The following SAFB variants were observed in gnomAD, a reference collection of about 807,000 sequenced individuals.
The protein encoded by SAFB is scaffold attachment factor B, also known as scaffold attachment factor B1.
In SAFB, 15 loss-of-function variants were observed where a neutral mutation model predicts 101.6. The observed-to-expected ratio is 0.15, with a 90% CI of 0.10 to 0.23. SAFB has a LOEUF of 0.23. SAFB is among the 10% of genes least tolerant of loss of function. SAFB has a pLI of 1.00. For missense variants in SAFB, 930 were observed against 1,104.1 expected (o/e 0.84, Z 2.23); for synonymous variants, 449 against 407.5 (o/e 1.10, Z -1.23).
In SAFB at chr19:5,653,150, T is replaced by A; in HGVS notation, c.1329T>A (p.Ser443Arg). The change falls in exon 10 of 21, where the codon AGT (serine) becomes AGA (arginine). Residue 443 changes from serine to arginine, a missense_variant. Physicochemically the swap from Ser to Arg is moderately radical, Grantham distance 110. Around this residue, in one of 7 missense-constraint regions of SAFB, gnomAD observed 68 missense variants for 122.1 expected, o/e 0.56. Transcript: ENST00000588852. ...CCAAGGTTGTGACAAATGCCCGGAG[T>A]CCTGGAGCTCGCTGTTACGGTTTTG... ...VGAKVVTNARSPGARCYGFVT... is the reference protein window; with the variant it reads ...VGAKVVTNARRPGARCYGFVT... 6.2e-7 allele frequency: 1 copy of A among 1,613,922 alleles called. No individual in the cohort carries two copies. The highest frequency in any genetic ancestry group is 8.5e-7 in the Non-Finnish European group (1 of 1,180,002).
intron 2 of SAFB, among the ~76,000 whole-genome samples, chr19:5,637,176 C>T (rs899764183): frequency 4.0e-5 from 6 of 150,648 alleles, no homozygotes; most frequent in Admixed American, 4.0e-4. Flanking sequence ...AACCCCGTCT[C>T]TACTAAAAAT....
intron 1 of SAFB, 150 bp from the exon 2 acceptor site, chr19:5,626,255 A>C: frequency 3.5e-6 from 2 of 568,420 alleles, no homozygotes; most frequent in South Asian, 4.5e-5. Flanking sequence ...GCGAGATAAC[A>C]GATGAGTGGA....
Position 5,653,212 on chromosome 19 carries a change from T to C in SAFB, c.1391T>C (p.Ile464Thr), listed in dbSNP as rs911519879. ...ACAGCAGAAGAGGCCACAAAATGCA[T>C]TAACCACCTGCACAAGACGGAGCTC... Reference protein sequence around the residue: ...MSTAEEATKCINHLHKTELHG... With the variant: ...MSTAEEATKCTNHLHKTELHG... The change falls in exon 10 of 21, where the codon ATT becomes ACT. Residue 464 changes from isoleucine to threonine, a missense_variant. Ile to Thr is a moderately conservative substitution (Grantham distance 89). Around this residue, in one of 7 missense-constraint regions of SAFB, gnomAD observed 68 missense variants for 122.1 expected, o/e 0.56. Coordinates refer to ENST00000588852, the MANE Select transcript of SAFB (RefSeq NM_001201338.2). 6.2e-7 allele frequency: 1 copy of C among 1,614,038 alleles called. No individual in the cohort carries two copies. Among genetic ancestry groups the C allele is most frequent in the African/African-American group, 1.3e-5 (1 of 74,912 alleles).
intron 2 of SAFB, among the ~76,000 whole-genome samples, chr19:5,640,621 GCT>G (rs745847099): frequency 6.6e-6 from 1 of 151,924 alleles, no homozygotes; most frequent in Non-Finnish European, 1.5e-5. Flanking sequence ...ACAGAGTCTT[GCT>G]CTGTCATCCA....
chr19:5,645,426 T>C (rs2053807421), intron 5 of SAFB, 27 bp downstream of exon 5: 2 of 1,125,038 alleles, frequency 1.8e-6, no homozygotes, highest in Non-Finnish European at 2.7e-6. Context: ...CTCAGTACTT[T>C]TAGAATGAAA....
chr19:5,640,358 C>CTTTTTTTTT (rs34358887), intron 2 of SAFB, among the ~76,000 whole-genome samples: 2 of 91,552 alleles, frequency 2.2e-5, no homozygotes, highest in African/African-American at 4.8e-5. Flanking sequence ...GAAAGATTGG[C>CTTTTTTTTT]TTTTTTTTTT....
intron 1 of SAFB, among the ~76,000 whole-genome samples, chr19:5,624,958 T>TC (rs2053323535): frequency 6.6e-6 from 1 of 152,178 alleles, no homozygotes; most frequent in African/African-American, 2.4e-5. Flanking sequence ...ATCCTTTTTT[T>TC]CTCCCTGGAC....
chr19:5,634,452 A>G (rs1043237919), intron 2 of SAFB, among the ~76,000 whole-genome samples: 1 of 152,074 alleles, frequency 6.6e-6, no homozygotes, highest in Admixed American at 6.6e-5. Context: ...CTTCTTGTGT[A>G]AAATAGAAAT....
At position 5,623,399 on chromosome 19, in the gene SAFB, A is replaced by G; in HGVS notation, c.189+5A>G. On this transcript the variant is annotated splice_donor_5th_base_variant and intron_variant, in intron 1 of 20. Coordinates refer to ENST00000588852, the MANE Select transcript of SAFB (RefSeq NM_001201338.2). ...TTGATGGAGCGGCTGAAGAAGGTGGATTTGGGGCCCCGAGGGCGGGCACAG... is the reference window on the plus strand; with the variant it reads ...TTGATGGAGCGGCTGAAGAAGGTGGGTTTGGGGCCCCGAGGGCGGGCACAG... 6.2e-7 allele frequency: 1 copy of G among 1,610,622 alleles called. No individual in the cohort carries two copies. Among genetic ancestry groups the G allele is most frequent in the Non-Finnish European group, 8.5e-7 (1 of 1,177,488 alleles).
intron 2 of SAFB, 115 bp from the exon 3 acceptor site, chr19:5,641,479 G>A: frequency 1.2e-6 from 1 of 810,558 alleles, no homozygotes; most frequent in Non-Finnish European, 2.1e-6. Flanking sequence ...GTGTTCCTAA[G>A]TAGTGAGGTG....
At chr19:5,644,576 G>A (rs576428807) in intron 4 of SAFB, among the ~76,000 whole-genome samples, 1 of 152,298 alleles carries the variant, frequency 6.6e-6, no homozygotes, top group South Asian at 2.1e-4. Context: ...TACCTTTTGA[G>A]TCTTCTGATC....
rs373307173 is a variant in SAFB, at chr19:5,668,310, C to A, written c.*19C>A. The A allele has an allele frequency of 2.7e-5, 44 of 1,606,036 alleles. No individual in the cohort carries two copies. The Middle Eastern group carries it at 8.0e-4, about 29-fold the overall frequency. ...CTACTGAGTACTTGGAATCCTGTGTCCTGTCTCGTGGCAACAAGGCTATGT... is the reference window on the plus strand; with the variant it reads ...CTACTGAGTACTTGGAATCCTGTGTACTGTCTCGTGGCAACAAGGCTATGT... On this transcript the variant is annotated 3_prime_UTR_variant, in exon 21 of 21. Transcript: ENST00000588852.
At chr19:5,661,027 C>G (rs922419399) in intron 14 of SAFB, among the ~76,000 whole-genome samples, 4 of 144,644 alleles carry the variant, frequency 2.8e-5, no homozygotes, top group African/African-American at 1.0e-4. Flanking sequence ...CAGTGATTTT[C>G]CTGCCTCAGC....
intron 2 of SAFB, among the ~76,000 whole-genome samples, chr19:5,639,802 A>G (rs1343767916): frequency 6.6e-6 from 1 of 152,142 alleles, no homozygotes; most frequent in Non-Finnish European, 1.5e-5. Flanking sequence ...ATAAACTTCA[A>G]ATGATGGGGG....
At chr19:5,664,221 C>A in intron 16 of SAFB, 62 bp downstream of exon 16, 2 of 1,572,070 alleles carry the variant, frequency 1.3e-6, no homozygotes, top group Non-Finnish European at 8.7e-7. Flanking sequence ...TGACTGAGAA[C>A]AAGGACTCCT....
chr19:5,632,324 C>T (rs2053506792), intron 2 of SAFB, among the ~76,000 whole-genome samples: 1 of 152,196 alleles, frequency 6.6e-6, no homozygotes, highest in Non-Finnish European at 1.5e-5. Context: ...CATCTGACTA[C>T]ATTTGCCTTG....
chr19:5,641,584 C>T lies in SAFB; in HGVS notation c.275-10C>T, dbSNP rs1468187823. 1 of 1,612,566 alleles carries T rather than the reference C, an allele frequency of 6.2e-7. No homozygotes were observed. On this transcript the variant is annotated splice_polypyrimidine_tract_variant and intron_variant, in intron 2 of 20. Transcript: ENST00000588852. ...ATTTGATCTCATGCTGTAAATGATTCTGTCTTCAGGGCGCAAACCAGAAGA... is the reference window on the plus strand; with the variant it reads ...ATTTGATCTCATGCTGTAAATGATTTTGTCTTCAGGGCGCAAACCAGAAGA...
chr19:5,658,290 T>C (rs1270944641), intron 14 of SAFB, among the ~76,000 whole-genome samples: 4 of 152,132 alleles, frequency 2.6e-5, no homozygotes, highest in Non-Finnish European at 4.4e-5. Context: ...GAGCCACTGC[T>C]CCAAGGACTG....
chr19:5,668,202 C>G lies in SAFB; in HGVS notation c.2665C>G (p.Pro889Ala), dbSNP rs574884020. The G allele has an allele frequency of 1.9e-6, 3 of 1,607,796 alleles. No individual in the cohort carries two copies. Among genetic ancestry groups the G allele is most frequent in the East Asian group, 4.5e-5 (2 of 44,756 alleles). ...CCCAGGCGGGGCCTCCCGGGGCCAC[C>G]CCATCCCACACGGTGGCATGCAGGG... ...FAPGGASRGHPIPHGGMQGGF... is the reference protein window; with the variant it reads ...FAPGGASRGHAIPHGGMQGGF... Residue 889 changes from proline to alanine, a missense_variant, in exon 21 of 21, where the codon CCC (proline) becomes GCC (alanine). This residue lies in a region of SAFB where 318 missense variants were observed against 342.6 expected (regional missense o/e 0.93). Coordinates refer to ENST00000588852, the MANE Select transcript of SAFB (RefSeq NM_001201338.2).
Sources: allele counts gnomAD v4.1 joint callset (sites outside exome capture counted in the v4.1 genomes callset), GRCh38; gene constraint gnomAD v4.1.1; regional missense constraint gnomAD v4.1.1; transcripts MANE v1.5; gene names NCBI Gene and HGNC (gene_info 2026-07-23, HGNC 2026-07-21).